CCDC148: variants seen among roughly 807,000 people sequenced by gnomAD.
The protein encoded by CCDC148 is coiled-coil domain containing 148.
Under a neutral mutation model 85.7 loss-of-function variants are expected in CCDC148, and 89 were observed. The observed-to-expected ratio is 1.04, with a 90% CI of 0.87 to 1.24. The LOEUF (loss-of-function observed/expected upper bound fraction) is 1.24. Among genes scored for constraint, CCDC148 ranks in the 50% most tolerant of loss-of-function variants. The probability of loss-of-function intolerance (pLI) is 0.00; values close to 1 mark genes in which losing one functional copy is unlikely to be tolerated. For synonymous variants in CCDC148, 230 were observed against 213.9 expected (o/e 1.08, Z -0.66); for missense variants, 692 against 671.7 (o/e 1.03, Z -0.33).
chr2:158,206,448 A>G (rs1022112085), intron 11 of CCDC148, among the ~76,000 whole-genome samples: 2 of 152,220 alleles, frequency 1.3e-5, no homozygotes, highest in African/African-American at 4.8e-5. Context: ...CTGGATCTAC[A>G]CATGCACTGG....
rs189678262 is a variant in CCDC148, at chr2:158,284,854, C to T, written c.1110+24579G>A. On this transcript the variant is annotated intron_variant, in intron 9 of 13. Transcript: ENST00000283233. Reference sequence around the variant, plus strand: ...AAATTATCACAAACAGATTATAAAACAACACTGCTTACTGTGTTCATGGAG... The same window carrying T: ...AAATTATCACAAACAGATTATAAAATAACACTGCTTACTGTGTTCATGGAG... Among the ~76,000 whole-genome samples the T allele has an allele frequency of 9.9e-4, 150 of 152,252 alleles. 1 individual carries two copies. The highest frequency in any genetic ancestry group is 3.4e-3 in the African/African-American group (140 of 41,548).
intron 1 of CCDC148, among the ~76,000 whole-genome samples, chr2:158,383,901 A>C (rs1174535685): frequency 6.6e-6 from 1 of 152,200 alleles, no homozygotes; most frequent in Admixed American, 6.5e-5. Flanking sequence ...GTTTTGAACC[A>C]AGCACTGCAT....
intron 11 of CCDC148, 56 bp from the exon 12 acceptor site, chr2:158,179,052 G>C: frequency 1.5e-6 from 2 of 1,358,254 alleles, no homozygotes; most frequent in South Asian, 2.3e-5. Flanking sequence ...ATTGGAGATT[G>C]TACAGAAAAC....
Position 158,314,467 on chromosome 2 carries a change from G to A in CCDC148, c.765-573C>T, listed in dbSNP as rs539045174. Among the ~76,000 whole-genome samples, 54 of 152,176 alleles carry A rather than the reference G, an allele frequency of 3.5e-4. 1 individual carries two copies. The highest frequency in any genetic ancestry group is 1.1e-3 in the African/African-American group (45 of 41,526). Reference sequence around the variant, plus strand: ...TATTGATAGTGAAAAGATAACCAACGGCATTAAAACCACTGAAGAAATCAT... The same window carrying A: ...TATTGATAGTGAAAAGATAACCAACAGCATTAAAACCACTGAAGAAATCAT... On this transcript the variant is annotated intron_variant, in intron 7 of 13. Coordinates refer to ENST00000283233, the MANE Select transcript of CCDC148 (RefSeq NM_138803.4).
intron 1 of CCDC148, among the ~76,000 whole-genome samples, chr2:158,389,507 G>A (rs1480467904): frequency 6.6e-6 from 1 of 152,080 alleles, no homozygotes; most frequent in Non-Finnish European, 1.5e-5. Flanking sequence ...TTAAAAGAAG[G>A]GCCAGATAAT....
At chr2:158,437,969 A>C (rs1056980574) in intron 1 of CCDC148, among the ~76,000 whole-genome samples, 2 of 152,204 alleles carry the variant, frequency 1.3e-5, no homozygotes, top group African/African-American at 4.8e-5. Context: ...TCAATGAAAT[A>C]AAAGAGGATA....
chr2:158,211,026 G>A (rs1278578503), intron 11 of CCDC148, among the ~76,000 whole-genome samples: 1 of 151,380 alleles, frequency 6.6e-6, no homozygotes, highest in African/African-American at 2.4e-5. Context: ...CACACACCAG[G>A]GCCTACTTGG....
intron 9 of CCDC148, among the ~76,000 whole-genome samples, chr2:158,267,368 C>T (rs1397050249): frequency 6.6e-6 from 1 of 152,174 alleles, no homozygotes; most frequent in Non-Finnish European, 1.5e-5. Context: ...TTCCCAGACC[C>T]AGGACGAGAC....
intron 7 of CCDC148, among the ~76,000 whole-genome samples, chr2:158,331,497 G>C (rs2105232582): frequency 6.6e-6 from 1 of 152,316 alleles, no homozygotes; most frequent in Non-Finnish European, 1.5e-5. Flanking sequence ...ATTTGGGGTG[G>C]AGAGTTCTGT....
Position 158,172,214 on chromosome 2 carries a change from C to T in CCDC148, c.1675G>A (p.Ala559Thr). ...RLRFELALRE[A>T]GLHRTLYAKE... ...GCATAAAGTGTTCTATGAAGTCCAG[C>T]TTCTCGAAGTGCTAACTCGAAGCGA... The change falls in exon 14 of 14, where the codon GCT becomes ACT. Residue 559 changes from alanine (A) to threonine (T), a missense_variant. Transcript: ENST00000283233. The T allele has an allele frequency of 6.2e-7, 1 of 1,608,876 alleles. No individual in the cohort carries two copies. Among genetic ancestry groups the T allele is most frequent in the Non-Finnish European group, 8.5e-7 (1 of 1,177,512 alleles).
chr2:158,400,354 A>AACAG (rs1054888781), intron 1 of CCDC148, among the ~76,000 whole-genome samples: 6 of 152,216 alleles, frequency 3.9e-5, no homozygotes, highest in African/African-American at 1.4e-4. Context: ...CTGGTACCAA[A>AACAG]ACAGACATAT....
At chr2:158,402,755 A>T (rs1353267274) in intron 1 of CCDC148, among the ~76,000 whole-genome samples, 1 of 152,122 alleles carries the variant, frequency 6.6e-6, no homozygotes, top group Non-Finnish European at 1.5e-5. Flanking sequence ...CAGGATTTGG[A>T]ACTTGCCTAT....
At chr2:158,367,196 C>A (rs968162139) in intron 1 of CCDC148, among the ~76,000 whole-genome samples, 3 of 152,160 alleles carry the variant, frequency 2.0e-5, no homozygotes, top group Admixed American at 6.6e-5. Flanking sequence ...CATTCCACAC[C>A]CAAAGATAAT....
intron 1 of CCDC148, among the ~76,000 whole-genome samples, chr2:158,416,916 G>A (rs1686525783): frequency 6.6e-6 from 1 of 152,188 alleles, no homozygotes; most frequent in African/African-American, 2.4e-5. Flanking sequence ...TGGTTCTGCA[G>A]GCTGTACAGG....
chr2:158,357,892 C>T (rs890133732), intron 2 of CCDC148, among the ~76,000 whole-genome samples: 1 of 152,100 alleles, frequency 6.6e-6, no homozygotes, highest in Non-Finnish European at 1.5e-5. Flanking sequence ...TCAATGAACG[C>T]TATTATTTGC....
intron 7 of CCDC148, among the ~76,000 whole-genome samples, chr2:158,332,857 T>G (rs991753892): frequency 2.0e-5 from 3 of 150,686 alleles, no homozygotes; most frequent in African/African-American, 7.3e-5. Context: ...TAGTTTGTAT[T>G]TCTGTGGGAT....
At chr2:158,185,061 T>G (rs772004212) in intron 11 of CCDC148, among the ~76,000 whole-genome samples, 30 of 152,204 alleles carry the variant, frequency 2.0e-4, no homozygotes, top group Non-Finnish European at 3.2e-4. Flanking sequence ...TCTGTTTGCC[T>G]GTGCTAAACA....
At chr2:158,269,523 C>T (rs1417075937) in intron 9 of CCDC148, among the ~76,000 whole-genome samples, 2 of 152,124 alleles carry the variant, frequency 1.3e-5, no homozygotes, top group Non-Finnish European at 2.9e-5. Flanking sequence ...CATGTGTAAA[C>T]CTAGAAATGC....
At chr2:158,242,574 C>G (rs1212234759) in intron 10 of CCDC148, among the ~76,000 whole-genome samples, 1 of 152,070 alleles carries the variant, frequency 6.6e-6, no homozygotes, top group Non-Finnish European at 1.5e-5. Context: ...CTGAGCCATT[C>G]CCCACTTGCA....
Sources: gnomAD v4.1 joint callset for allele counts (sites outside exome capture counted in the v4.1 genomes callset) on GRCh38, gnomAD v4.1.1 for gene constraint, MANE v1.5 for transcripts, NCBI Gene and HGNC (gene_info 2026-07-23, HGNC 2026-07-21) for gene names.